The following CBFA2T3 variants were observed in gnomAD, a reference collection of about 807,000 sequenced individuals.
CBFA2T3 encodes the protein CBFA2/RUNX1 partner transcriptional co-repressor 3.
Under a neutral mutation model 58.6 loss-of-function variants are expected in CBFA2T3, and 31 were observed. That is an observed-to-expected ratio of 0.53 (90% confidence interval 0.40 to 0.71). The LOEUF is 0.71. Among genes scored for constraint, CBFA2T3 ranks in the 30% least tolerant of loss-of-function variants. The pLI is 0.00. For missense variants in CBFA2T3, 1,076 were observed against 963.1 expected, an observed-to-expected ratio of 1.12 and a Z score of -1.55; for synonymous variants, 531 against 421.9, an observed-to-expected ratio of 1.26 and a Z score of -3.17.
intron 7 of CBFA2T3, 23 bp from the exon 8 acceptor site, chr16:88,882,784 C>T: frequency 6.8e-7 from 1 of 1,476,210 alleles, no homozygotes; most frequent in Non-Finnish European, 9.3e-7. Context: ...GAGGTGCACG[C>T]TTAGGTCCCA....
intron 1 of CBFA2T3, among the ~76,000 whole-genome samples, chr16:88,906,263 C>A (rs145079992): frequency 1.6e-4 from 24 of 152,230 alleles, no homozygotes; most frequent in African/African-American, 5.8e-4. Flanking sequence ...GCCTGGCTTC[C>A]CACCCCATTC....
In CBFA2T3 at chr16:88,886,044, C is replaced by A. The variant is rs762297515; in HGVS notation, c.810G>T (p.Leu270=). The change falls in exon 6 of 12, where the codon CTG becomes CTT. Residue 270 remains leucine (L), a synonymous_variant. Transcript: ENST00000268679. ...QYLAQHEQLL[L]DASASSPIDS... ...CGATGGGGGAGGAGGCGCTGGCGTC[C>A]AGCAGGAGCTGCTCATGCTGGGCCA... is the stretch of plus-strand genomic sequence containing the variant. The A allele has an allele frequency of 1.3e-6, 2 of 1,580,988 alleles. No individual in the cohort carries two copies. Among genetic ancestry groups the A allele is most frequent in the African/African-American group, 1.3e-5 (1 of 74,726 alleles).
chr16:88,952,083 C>A (rs555150632), intron 1 of CBFA2T3, among the ~76,000 whole-genome samples: 2 of 152,200 alleles, frequency 1.3e-5, no homozygotes, highest in Non-Finnish European at 2.9e-5. Flanking sequence ...AGATCTAAGC[C>A]GGAAGCTGCT....
intron 2 of CBFA2T3, among the ~76,000 whole-genome samples, chr16:88,900,200 C>A (rs902786025): frequency 6.6e-6 from 1 of 152,246 alleles, no homozygotes; most frequent in Non-Finnish European, 1.5e-5. Context: ...CTGTTTGGCT[C>A]CTACTGAGTG....
intron 1 of CBFA2T3, chr16:88,936,843 G>A (rs1157240656): frequency 4.6e-5 from 7 of 152,296 alleles, no homozygotes; most frequent in Non-Finnish European, 7.3e-5. Flanking sequence ...GCCGGATCCC[G>A]GCGGGTCCTG....
At chr16:88,905,342 G>A (rs930385603) in intron 1 of CBFA2T3, among the ~76,000 whole-genome samples, 9 of 151,748 alleles carry the variant, frequency 5.9e-5, no homozygotes, top group South Asian at 2.1e-4. Flanking sequence ...ACCCCCCACC[G>A]CCCCTCGTTC....
chr16:88,881,286 CGCACCTAGCTGAG>C lies in CBFA2T3; in HGVS notation c.1394_1402+4del. On this transcript the variant is annotated splice_donor_variant and splice_donor_region_variant and coding_sequence_variant and intron_variant, in exon 9 of 12. Transcript: ENST00000268679. LOFTEE classifies it high-confidence loss of function. ...CTGCTCCCTCCCCCCACACCCCACA[CGCACCTAGCTGAG>C]GCCCTTCGGGACCGGCGGAGCTGCT... 6.3e-7 allele frequency: 1 copy of C among 1,594,192 alleles called. No homozygotes were observed. The highest frequency in any genetic ancestry group is 1.1e-5 in the South Asian group (1 of 89,266).
At position 88,959,694 on chromosome 16, in the gene CBFA2T3, G is replaced by C. The variant is rs970753607; in HGVS notation, c.151+16963C>G. 4.6e-5 allele frequency among the ~76,000 whole-genome samples: 7 copies of C among 152,304 alleles called. No individual in the cohort carries two copies. In the South Asian group the frequency reaches 6.2e-4, roughly 14 times the overall value. On this transcript the variant is annotated intron_variant, in intron 1 of 11. Transcript: ENST00000268679. ...CTGGGAAAGGCGATGGAGAGAAAAC[G>C]GGAGCAGGGCAGAGACGGTATCTGG...
intron 1 of CBFA2T3, among the ~76,000 whole-genome samples, chr16:88,952,275 A>T (rs1972093541): frequency 6.6e-6 from 1 of 152,188 alleles, no homozygotes; most frequent in African/African-American, 2.4e-5. Flanking sequence ...ACACCCGGGG[A>T]GGCTGTGCCA....
At position 88,970,931 on chromosome 16, in the gene CBFA2T3, G is replaced by T. The variant is rs537372696; in HGVS notation, c.151+5726C>A. Among the ~76,000 whole-genome samples, 40 of 152,300 alleles carry T rather than the reference G, an allele frequency of 2.6e-4. No homozygotes were observed. The East Asian group carries it at 7.0e-3, about 27-fold the overall frequency. On this transcript the variant is annotated intron_variant, in intron 1 of 11. Coordinates refer to ENST00000268679, the MANE Select transcript of CBFA2T3 (RefSeq NM_005187.6). ...AGGAGAGGAACACCGAGGGAAGGAG[G>T]TCGGTCGGGAGGGGGCTCCTCGGCG...
intron 1 of CBFA2T3, among the ~76,000 whole-genome samples, chr16:88,916,763 A>C (rs1970750671): frequency 6.6e-6 from 1 of 152,160 alleles, no homozygotes; most frequent in African/African-American, 2.4e-5. Context: ...CCACTGGCAC[A>C]GGCCCCTCCT....
At chr16:88,956,604 C>T (rs532425561) in intron 1 of CBFA2T3, among the ~76,000 whole-genome samples, 1 of 152,352 alleles carries the variant, frequency 6.6e-6, no homozygotes, top group East Asian at 1.9e-4. Flanking sequence ...AATACCGTGG[C>T]AGAGGGAGGC....
At chr16:88,918,978 T>C (rs111523200) in intron 1 of CBFA2T3, among the ~76,000 whole-genome samples, 4,220 of 152,344 alleles carry the variant, frequency 0.028, 109 homozygotes, top group African/African-American at 0.063. Context: ...GCTGACATTC[T>C]TAAATATCTG....
intron 1 of CBFA2T3, among the ~76,000 whole-genome samples, chr16:88,903,976 C>T (rs1264171909): frequency 6.6e-6 from 1 of 152,206 alleles, no homozygotes; most frequent in Admixed American, 6.5e-5. Flanking sequence ...GACGGGCGCT[C>T]GTAGGATGGA....
rs549417645 is a variant in CBFA2T3 at position 88,963,272 on chromosome 16, C to T, written c.151+13385G>A. On this transcript the variant is annotated intron_variant, in intron 1 of 11. Transcript: ENST00000268679. ...GCGCTCATCTTCTGCCAGGGGTGGGCGCTCGTCTTCTGCCAGGGGTGGGCG... is the reference window on the plus strand; with the variant it reads ...GCGCTCATCTTCTGCCAGGGGTGGGTGCTCGTCTTCTGCCAGGGGTGGGCG... 2.7e-5 allele frequency among the ~76,000 whole-genome samples: 4 copies of T among 148,394 alleles called. No homozygotes were observed. The South Asian group carries it at 6.4e-4, about 24-fold the overall frequency.
chr16:88,918,583 G>A (rs1412340930), intron 1 of CBFA2T3, among the ~76,000 whole-genome samples: 1 of 152,286 alleles, frequency 6.6e-6, no homozygotes, highest in Non-Finnish European at 1.5e-5. Flanking sequence ...ATTTGTGGCT[G>A]TTGCTGGTTT....
In CBFA2T3 at chr16:88,915,192, TGGCGTGGGTGTGGGGTGGGGAGGA is replaced by T. The variant is rs1385139908; in HGVS notation, c.152-13560_152-13537del. 9.2e-4 allele frequency among the ~76,000 whole-genome samples: 56 copies of T among 60,638 alleles called. 1 individual carries two copies. Among genetic ancestry groups the T allele is most frequent in the East Asian group, 3.9e-3 (6 of 1,540 alleles). The allele number at this position is 60,638 out of a possible 152,430, so 39.8% of individuals were successfully genotyped here. A position where few individuals can be genotyped will look rare whatever the true frequency, so the allele number is the denominator to read the frequency against. The stretch of plus-strand genomic sequence containing the variant: ...GTGTGCTGGGGGTGCCGCCAGGTGG[TGGCGTGGGTGTGGGGTGGGGAGGA>T]GGCGTGGGTGTGGGGTGGGGAGGAG... On this transcript the variant is annotated intron_variant, in intron 1 of 11. Transcript: ENST00000268679.
At chr16:88,880,857 A>G in intron 9 of CBFA2T3, 69 bp from the exon 10 acceptor site, 1 of 1,399,000 alleles carries the variant, frequency 7.1e-7, no homozygotes, top group East Asian at 2.5e-5. Context: ...GGCCCTCCCC[A>G]CCCTGGCTGG....
rs1398447079 is a variant in CBFA2T3, at chr16:88,885,001, C to T, written c.1117+45G>A. On this transcript the variant is annotated intron_variant, in intron 7 of 11. Transcript: ENST00000268679. The surrounding 1 kb of genome is among the most constrained non-coding windows in gnomAD (Gnocchi z 5.3). ...AGGTGTACATGTGGGCGCATGTGTG[C>T]TCCTGTAACACGCGTCCACGCTCCC... is the stretch of plus-strand genomic sequence containing the variant. The T allele has an allele frequency of 6.9e-7, 1 of 1,441,424 alleles. No homozygotes were observed. The highest frequency in any genetic ancestry group is 1.9e-5 in the Admixed American group (1 of 53,046). 89.3% of individuals were successfully genotyped at this position (1,441,424 alleles called of 1,614,324 possible). A position where few individuals can be genotyped will look rare whatever the true frequency, so the allele number is the denominator to read the frequency against.
Sources: gnomAD v4.1 joint callset for allele counts (sites outside exome capture counted in the v4.1 genomes callset) on GRCh38, gnomAD v4.1.1 for gene constraint, Gnocchi (gnomAD v3.1) non-coding constraint, MANE v1.5 for transcripts, NCBI Gene and HGNC (gene_info 2026-07-23, HGNC 2026-07-21) for gene names.